The following CACNB2 variants were observed in gnomAD, a reference collection of about 807,000 sequenced individuals.
CACNB2 encodes calcium voltage-gated channel auxiliary subunit beta 2, also known as voltage-dependent L-type calcium channel subunit beta-2.
CACNB2 carries 42 observed loss-of-function variants against 73.3 expected under a neutral mutation model. The observed-to-expected ratio is 0.57, with a 90% CI of 0.45 to 0.74. CACNB2 has a LOEUF of 0.74. CACNB2 is among the 30% of genes least tolerant of loss of function. The probability of loss-of-function intolerance (pLI) is 0.00; values close to 1 mark genes in which losing one functional copy is unlikely to be tolerated. For missense variants in CACNB2, 940 were observed against 853.0 expected, an observed-to-expected ratio of 1.10 and a Z score of -1.27; for synonymous variants, 348 against 310.3, an observed-to-expected ratio of 1.12 and a Z score of -1.28.
rs188192749 is a variant in CACNB2 at position 18,342,408 on chromosome 10, G to A, written c.214-59516G>A. 3.3e-4 allele frequency among the ~76,000 whole-genome samples: 51 copies of A among 152,262 alleles called. No individual in the cohort carries two copies. In the East Asian group the frequency reaches 8.3e-3, roughly 25 times the overall value. ...TTTGGGAGGCCAAGGTGGGAGGATC[G>A]CTTGAGGCCAGAAGCTAGAGACCAG... On this transcript the variant is annotated intron_variant, in intron 2 of 13. Coordinates refer to ENST00000324631, the MANE Select transcript of CACNB2 (RefSeq NM_201596.3).
chr10:18,222,577 C>T (rs2035837035), intron 2 of CACNB2, among the ~76,000 whole-genome samples: 1 of 152,160 alleles, frequency 6.6e-6, no homozygotes, highest in Non-Finnish European at 1.5e-5. Context: ...TTTAGAGATG[C>T]CTGCTGAGAT....
Position 18,463,538 on chromosome 10 carries a change from C to T in CACNB2, c.334-34817C>T, listed in dbSNP as rs189326551. Among the ~76,000 whole-genome samples, 208 of 151,982 alleles carry T rather than the reference C, an allele frequency of 1.4e-3. 3 individuals are homozygous for T. The highest frequency in any genetic ancestry group is 0.013 in the Admixed American group (191 of 15,262). On this transcript the variant is annotated intron_variant, in intron 3 of 13. Coordinates refer to ENST00000324631, the MANE Select transcript of CACNB2 (RefSeq NM_201596.3). ...CAAGTGATTGTCCTACATCAGCCTC[C>T]GGAGTAGCTGGGATTGCAGGTGCAC...
At chr10:18,143,431 T>C (rs1335735641) in intron 1 of CACNB2, among the ~76,000 whole-genome samples, 1 of 152,178 alleles carries the variant, frequency 6.6e-6, no homozygotes, top group Non-Finnish European at 1.5e-5. Flanking sequence ...AGTGATTGCA[T>C]AGATAAAGGA....
intron 2 of CACNB2, among the ~76,000 whole-genome samples, chr10:18,210,473 G>T (rs1359236285): frequency 6.6e-6 from 1 of 152,088 alleles, no homozygotes; most frequent in Non-Finnish European, 1.5e-5. Context: ...GGGGGTTGGG[G>T]TGTGGTATGA....
intron 3 of CACNB2, among the ~76,000 whole-genome samples, chr10:18,447,973 T>C (rs11014266): frequency 0.2 from 30,192 of 151,888 alleles, 3,250 homozygotes; most frequent in Non-Finnish European, 0.24. Flanking sequence ...GAAGGGATAA[T>C]GGAGAGGGAA....
chr10:18,489,469 T>C (rs902242183), intron 3 of CACNB2, among the ~76,000 whole-genome samples: 2 of 145,104 alleles, frequency 1.4e-5, no homozygotes, highest in East Asian at 2.1e-4. Context: ...AGAGAAAGGA[T>C]CTTGCAATGT....
chr10:18,387,265 G>C (rs2043275432), intron 2 of CACNB2, among the ~76,000 whole-genome samples: 1 of 152,118 alleles, frequency 6.6e-6, no homozygotes, highest in Non-Finnish European at 1.5e-5. Context: ...CTTCTTCTGA[G>C]TCCCATCTTC....
chr10:18,227,195 G>A (rs1002610937), intron 2 of CACNB2, among the ~76,000 whole-genome samples: 2 of 152,158 alleles, frequency 1.3e-5, no homozygotes, highest in Non-Finnish European at 2.9e-5. Flanking sequence ...GGGTCTTGGT[G>A]AGTGCATCAG....
chr10:18,311,128 A>C (rs189079976), intron 2 of CACNB2, among the ~76,000 whole-genome samples: 2 of 152,088 alleles, frequency 1.3e-5, no homozygotes, highest in East Asian at 1.9e-4. Flanking sequence ...AGTTTGCTTA[A>C]GTTCCTTGTA....
intron 2 of CACNB2, among the ~76,000 whole-genome samples, chr10:18,391,925 CAAA>C (rs34698093): frequency 4.7e-5 from 4 of 84,600 alleles, no homozygotes; most frequent in East Asian, 3.7e-4. Context: ...AAGACCCTGT[CAAA>C]AAAAAAAAAA....
intron 2 of CACNB2, among the ~76,000 whole-genome samples, chr10:18,230,718 C>T (rs1378962384): frequency 6.6e-6 from 1 of 152,184 alleles, no homozygotes; most frequent in East Asian, 1.9e-4. Context: ...GATCATGTCA[C>T]CAAAAGTCCT....
intron 3 of CACNB2, among the ~76,000 whole-genome samples, chr10:18,456,319 C>G (rs139502339): frequency 3.1e-4 from 47 of 152,092 alleles, no homozygotes; most frequent in Admixed American, 5.2e-4. Context: ...GAAAATTAGC[C>G]AGGTGTGGTG....
intron 3 of CACNB2, among the ~76,000 whole-genome samples, chr10:18,414,554 G>A (rs561174412): frequency 2.8e-4 from 40 of 143,184 alleles, no homozygotes; most frequent in African/African-American, 9.7e-4. Context: ...GCACAATCTC[G>A]GCTCACTGCA....
chr10:18,409,568 G>T (rs185551904), intron 3 of CACNB2, among the ~76,000 whole-genome samples: 78 of 152,326 alleles, frequency 5.1e-4, no homozygotes, highest in Admixed American at 1.2e-3. Flanking sequence ...CTGAGACTCT[G>T]TCTGACTCTG....
intron 2 of CACNB2, among the ~76,000 whole-genome samples, chr10:18,223,572 G>A (rs952502201): frequency 6.6e-5 from 10 of 151,972 alleles, no homozygotes; most frequent in African/African-American, 1.9e-4. Context: ...AAAACAGAAT[G>A]CTCCTATGTT....
chr10:18,348,318 C>A lies in CACNB2; in HGVS notation c.214-53606C>A, dbSNP rs568413172. Among the ~76,000 whole-genome samples the A allele has an allele frequency of 1.3e-3, 204 of 152,214 alleles. 1 individual carries two copies. Among genetic ancestry groups the A allele is most frequent in the Middle Eastern group, 6.8e-3 (2 of 294 alleles). ...TCAATTTAGAATACTTACTGAATGA[C>A]AACAATTAGAGAATAATTTTGTCAA... On this transcript the variant is annotated intron_variant, in intron 2 of 13. Transcript: ENST00000324631.
chr10:18,285,801 A>G (rs1303443124), intron 2 of CACNB2, among the ~76,000 whole-genome samples: 1 of 152,178 alleles, frequency 6.6e-6, no homozygotes, highest in Non-Finnish European at 1.5e-5. Flanking sequence ...ACATACTATA[A>G]ACTCGATCCT....
chr10:18,346,405 T>G (rs1391509073), intron 2 of CACNB2, among the ~76,000 whole-genome samples: 1 of 152,140 alleles, frequency 6.6e-6, no homozygotes, highest in African/African-American at 2.4e-5. Context: ...CCCAAAGTGC[T>G]GGGATTACGG....
intron 2 of CACNB2, among the ~76,000 whole-genome samples, chr10:18,214,825 G>A (rs1015347462): frequency 6.6e-6 from 1 of 152,024 alleles, no homozygotes; most frequent in African/African-American, 2.4e-5. Context: ...TGAATTAGCA[G>A]GGAAGCATTT....
Sources: allele counts gnomAD v4.1 joint callset (sites outside exome capture counted in the v4.1 genomes callset), GRCh38; gene constraint gnomAD v4.1.1; transcripts MANE v1.5; gene names NCBI Gene and HGNC (gene_info 2026-07-23, HGNC 2026-07-21).